The following GRID1 variants were observed in gnomAD, a reference collection of about 807,000 sequenced individuals.
GRID1 encodes the protein glutamate ionotropic receptor delta type subunit 1, also known as glutamate receptor ionotropic, delta-1.
GRID1 carries 28 observed loss-of-function variants against 98.0 expected under a neutral mutation model. The ratio of observed to expected loss-of-function variants is 0.29; its 90% CI spans 0.21 to 0.39. GRID1 has a LOEUF of 0.39. GRID1 is among the 10% of genes least tolerant of loss of function. The pLI, the probability that GRID1 is intolerant of heterozygous loss-of-function variation, is 1.00. For missense variants in GRID1, 1,111 were observed against 1,340.5 expected (o/e 0.83, Z 2.67); for synonymous variants, 553 against 538.5 (o/e 1.03, Z -0.37).
chr10:85,833,244 A>T (rs916104116), intron 8 of GRID1, among the ~76,000 whole-genome samples: 9 of 152,166 alleles, frequency 5.9e-5, no homozygotes, highest in African/African-American at 2.2e-4. Flanking sequence ...GAGGCAGGAT[A>T]GTCTTGTCAC....
intron 8 of GRID1, among the ~76,000 whole-genome samples, chr10:85,774,551 G>C (rs1842309530): frequency 6.6e-6 from 1 of 151,490 alleles, no homozygotes; most frequent in Non-Finnish European, 1.5e-5. Flanking sequence ...CTACAACATG[G>C]GAGAAAATTT....
intron 15 of GRID1, chr10:85,606,865 T>C (rs1842673275): frequency 6.6e-6 from 1 of 152,250 alleles, no homozygotes; most frequent in East Asian, 1.9e-4. Flanking sequence ...CTTTTTTATG[T>C]GAACTACATC....
intron 2 of GRID1, among the ~76,000 whole-genome samples, chr10:86,342,361 C>T (rs1046383408): frequency 3.5e-4 from 53 of 152,208 alleles, no homozygotes; most frequent in African/African-American, 1.2e-3. Flanking sequence ...GCCTCTACCC[C>T]AGGTCCAGAG....
At chr10:85,975,388 C>T (rs558392916) in intron 4 of GRID1, among the ~76,000 whole-genome samples, 17 of 152,326 alleles carry the variant, frequency 1.1e-4, no homozygotes, top group East Asian at 5.8e-4. Flanking sequence ...CAGCCTGTCA[C>T]GAGGCTACTC....
chr10:86,009,323 A>C (rs1026667941), intron 4 of GRID1, among the ~76,000 whole-genome samples: 1 of 152,182 alleles, frequency 6.6e-6, no homozygotes, highest in Non-Finnish European at 1.5e-5. Flanking sequence ...AGCAACCCAC[A>C]GTGAGATAAA....
rs138077948 is a variant in GRID1, at chr10:85,727,077, G to T, written c.1533+778C>A. On this transcript the variant is annotated intron_variant, in intron 10 of 15. Transcript: ENST00000327946. The stretch of plus-strand genomic sequence containing the variant: ...GACAACTTGTTGTGGTCATGCAGTG[G>T]GCTAGTGATGGTGACATGTAAGATG... Among the ~76,000 whole-genome samples the T allele has an allele frequency of 2.1e-4, 32 of 152,308 alleles. No individual in the cohort carries two copies. The Middle Eastern group carries it at 0.014, about 65-fold the overall frequency.
chr10:86,055,982 C>T (rs946505922), intron 4 of GRID1, among the ~76,000 whole-genome samples: 7 of 152,218 alleles, frequency 4.6e-5, no homozygotes, highest in Admixed American at 1.3e-4. Context: ...TTAAGCCACC[C>T]AGGCTATGGT....
chr10:85,994,887 A>G (rs750786072), intron 4 of GRID1, among the ~76,000 whole-genome samples: 12 of 152,284 alleles, frequency 7.9e-5, no homozygotes, highest in Non-Finnish European at 1.3e-4. Flanking sequence ...AATGCAAGAC[A>G]GAATCTTTAG....
At chr10:85,952,909 G>A (rs1391791415) in intron 4 of GRID1, among the ~76,000 whole-genome samples, 1 of 152,122 alleles carries the variant, frequency 6.6e-6, no homozygotes, top group Admixed American at 6.5e-5. Flanking sequence ...TACTCAATGT[G>A]AAGACAACAA....
chr10:86,313,342 G>T (rs1033782693), intron 2 of GRID1, among the ~76,000 whole-genome samples: 2 of 152,228 alleles, frequency 1.3e-5, no homozygotes, highest in Non-Finnish European at 2.9e-5. Context: ...GATGTTGACA[G>T]ATAAGGATAC....
chr10:85,771,603 G>T (rs1842268574), intron 8 of GRID1, among the ~76,000 whole-genome samples: 2 of 152,090 alleles, frequency 1.3e-5, no homozygotes, highest in African/African-American at 2.4e-5. Context: ...ACACAAATAG[G>T]CTCAAAATAA....
At chr10:86,321,948 C>G (rs1251947420) in intron 2 of GRID1, among the ~76,000 whole-genome samples, 1 of 152,090 alleles carries the variant, frequency 6.6e-6, no homozygotes, top group East Asian at 1.9e-4. Flanking sequence ...AAGAAGATTA[C>G]ACGTCGAAAG....
At chr10:85,774,739 T>C (rs1842311909) in intron 8 of GRID1, among the ~76,000 whole-genome samples, 1 of 150,378 alleles carries the variant, frequency 6.6e-6, no homozygotes, top group Non-Finnish European at 1.5e-5. Flanking sequence ...TCACCATCAC[T>C]GGCCATCAGA....
chr10:86,111,048 G>C (rs1244288365), intron 4 of GRID1, among the ~76,000 whole-genome samples: 2 of 152,204 alleles, frequency 1.3e-5, no homozygotes, highest in East Asian at 3.8e-4. Context: ...TGGGTTGCTT[G>C]GGCAGATCTG....
chr10:85,889,281 C>T (rs548926088), intron 5 of GRID1, among the ~76,000 whole-genome samples: 43 of 152,226 alleles, frequency 2.8e-4, no homozygotes, highest in African/African-American at 1.0e-3. Flanking sequence ...TGGAAATAGG[C>T]CCAGAAAAGG....
chr10:85,999,165 T>C lies in GRID1; in HGVS notation c.727-82926A>G, dbSNP rs539191285. Among the ~76,000 whole-genome samples, 13 of 150,604 alleles carry C rather than the reference T, an allele frequency of 8.6e-5. No homozygotes were observed. In the South Asian group the frequency reaches 1.7e-3, roughly 19 times the overall value. The stretch of plus-strand genomic sequence containing the variant: ...AGGCAGAGGTTGCAGTGAGCCAAGA[T>C]TGTGCCACTGCACTCCAGCCTGGCC... On this transcript the variant is annotated intron_variant, in intron 4 of 15. Coordinates refer to ENST00000327946, the MANE Select transcript of GRID1 (RefSeq NM_017551.3).
intron 12 of GRID1, among the ~76,000 whole-genome samples, chr10:85,699,113 T>C (rs7903840): frequency 0.59 from 90,128 of 151,886 alleles, 28,087 homozygotes; most frequent in African/African-American, 0.79. Context: ...AGTGCAGTGC[T>C]GTGATCTCAG....
At position 85,817,289 on chromosome 10, in the gene GRID1, A is replaced by T. The variant is rs553663461; in HGVS notation, c.1233+37207T>A. 2.0e-5 allele frequency among the ~76,000 whole-genome samples: 3 copies of T among 152,204 alleles called. No individual in the cohort carries two copies. In the East Asian group the frequency reaches 5.8e-4, roughly 30 times the overall value. On this transcript the variant is annotated intron_variant, in intron 8 of 15. Transcript: ENST00000327946. ...ATGCCTGTAATCCCAGCACTTTGGG[A>T]GGCCAAAGTGAGAGAACTGCTTGGG... is the stretch of plus-strand genomic sequence containing the variant.
chr10:86,094,865 CAA>C (rs1325974037), intron 4 of GRID1, among the ~76,000 whole-genome samples: 5 of 151,322 alleles, frequency 3.3e-5, no homozygotes. Context: ...CATGTGGAAC[CAA>C]AAAAGAGTCC....
Sources: allele counts gnomAD v4.1 joint callset (sites outside exome capture counted in the v4.1 genomes callset), GRCh38; gene constraint gnomAD v4.1.1; transcripts MANE v1.5; gene names NCBI Gene and HGNC (gene_info 2026-07-23, HGNC 2026-07-21).